ADORA1: variants seen among roughly 807,000 people sequenced by gnomAD.
ADORA1 encodes adenosine A1 receptor.
ADORA1 carries 6 observed loss-of-function variants against 19.9 expected under a neutral mutation model. That is an observed-to-expected ratio of 0.30 (90% CI 0.17 to 0.59). ADORA1 has a LOEUF of 0.59. Ranked by LOEUF, ADORA1 falls within the 20% of genes least tolerant of loss-of-function variation. The pLI, the probability that ADORA1 is intolerant of heterozygous loss-of-function variation, is 0.87. For synonymous variants in ADORA1, 194 were observed against 188.4 expected (o/e 1.03, Z -0.24); for missense variants, 302 against 439.2 (o/e 0.69, Z 2.79).
intron 3 of ADORA1, among the ~76,000 whole-genome samples, chr1:203,164,764 G>A (rs1046914937): frequency 7.2e-5 from 11 of 152,200 alleles, no homozygotes; most frequent in African/African-American, 1.9e-4. Flanking sequence ...CAGTGTAGAC[G>A]TGTTTTAGGA....
chr1:203,128,291 C>G lies in ADORA1; in HGVS notation c.-199C>G. 7.9e-7 allele frequency: 1 copy of G among 1,272,866 alleles called. No individual in the cohort carries two copies. Among genetic ancestry groups the G allele is most frequent in the Non-Finnish European group, 1.0e-6 (1 of 976,450 alleles). 78.8% of individuals were successfully genotyped at this position (1,272,866 alleles called of 1,614,324 possible). A position where few individuals can be genotyped will look rare whatever the true frequency, so the allele number is the denominator to read the frequency against. On this transcript the variant is annotated 5_prime_UTR_variant, in exon 2 of 4. Transcript: ENST00000337894. This position sits in a 1 kb window ranked among gnomAD's most constrained non-coding sequence, Gnocchi z 5.9. ...ATTGCTTGAAAGGCCGGGCTGGGAG[C>G]GCTGCGGCGGGAGCCGGAGGACTAT...
chr1:203,129,055 G>A lies in ADORA1; in HGVS notation c.214G>A (p.Gly72Arg). ...VIPLAILINI[G>R]PQTYFHTCLM... ...CCCCCTCGCCATCCTCATCAACATT[G>A]GGCCACAGACCTACTTCCACACCTG... The change falls in exon 3 of 4, where the codon GGG becomes AGG. Residue 72 changes from glycine (G) to arginine (R), a missense_variant. Coordinates refer to ENST00000337894, the MANE Select transcript of ADORA1 (RefSeq NM_000674.3). 6.2e-7 allele frequency: 1 copy of A among 1,614,088 alleles called. No homozygotes were observed. Among genetic ancestry groups the A allele is most frequent in the Non-Finnish European group, 8.5e-7 (1 of 1,180,018 alleles).
chr1:203,140,917 C>T (rs17511046), intron 3 of ADORA1, among the ~76,000 whole-genome samples: 7,135 of 152,330 alleles, frequency 0.047, 249 homozygotes, highest in Non-Finnish European at 0.072. Context: ...CCTCTGCATG[C>T]CTCCAGGGTC....
chr1:203,128,477 C>A lies in ADORA1; in HGVS notation c.-58+45C>A. 8.0e-7 allele frequency: 1 copy of A among 1,249,998 alleles called. No homozygotes were observed. The highest frequency in any genetic ancestry group is 5.3e-5 in the East Asian group (1 of 18,694). 77.4% of individuals were successfully genotyped at this position (1,249,998 alleles called of 1,614,324 possible). A position where few individuals can be genotyped will look rare whatever the true frequency, so the allele number is the denominator to read the frequency against. ...TTCTGTGCACAGGGGTGGGCAGAGCCAGTCATGGGAGACCCCTCTGTGCGT... is the reference window on the plus strand; with the variant it reads ...TTCTGTGCACAGGGGTGGGCAGAGCAAGTCATGGGAGACCCCTCTGTGCGT... On this transcript the variant is annotated intron_variant, in intron 2 of 3. Coordinates refer to ENST00000337894, the MANE Select transcript of ADORA1 (RefSeq NM_000674.3). This position sits in a 1 kb window ranked among gnomAD's most constrained non-coding sequence, Gnocchi z 5.9.
intron 3 of ADORA1, among the ~76,000 whole-genome samples, chr1:203,164,866 T>G (rs866701588): frequency 2.6e-5 from 4 of 152,260 alleles, no homozygotes; most frequent in Middle Eastern, 3.4e-3. Flanking sequence ...AATTGGGCAG[T>G]CCTCATTCTG....
Position 203,162,268 on chromosome 1 carries a change from A to C in ADORA1, c.342-2993A>C, listed in dbSNP as rs188655351. ...CACCAGGGAGAAAATAGCAAGAAAAACAGATGAGAGCTGATACCCTAAGCT... is the reference window on the plus strand; with the variant it reads ...CACCAGGGAGAAAATAGCAAGAAAACCAGATGAGAGCTGATACCCTAAGCT... On this transcript the variant is annotated intron_variant, in intron 3 of 3. Transcript: ENST00000337894. Among the ~76,000 whole-genome samples, 6 of 152,182 alleles carry C rather than the reference A, an allele frequency of 3.9e-5. No homozygotes were observed. The East Asian group carries it at 1.2e-3, about 29-fold the overall frequency.
Position 203,128,539 on chromosome 1 carries a change from C to T in ADORA1, c.-58+107C>T. On this transcript the variant is annotated intron_variant, in intron 2 of 3. Transcript: ENST00000337894. This position sits in a 1 kb window ranked among gnomAD's most constrained non-coding sequence, Gnocchi z 5.9. Reference sequence around the variant, plus strand: ...TGCGCGCGCGCTGGGAGCTGCCTCACACCTGATAAAAAAGCCAGTGGAGGA... The same window carrying T: ...TGCGCGCGCGCTGGGAGCTGCCTCATACCTGATAAAAAAGCCAGTGGAGGA... The T allele has an allele frequency of 1.0e-6, 1 of 964,366 alleles. No homozygotes were observed. The highest frequency in any genetic ancestry group is 1.4e-6 in the Non-Finnish European group (1 of 700,070). 59.7% of individuals were successfully genotyped at this position (964,366 alleles called of 1,614,324 possible).
Position 203,166,092 on chromosome 1 carries a change from C to T in ADORA1, c.*192C>T. ...AGTTAACTACCCTACACCTCTGGGC[C>T]CTGCAGGAGGCCTGGGAGGGCAAGG... On this transcript the variant is annotated 3_prime_UTR_variant, in exon 4 of 4. Transcript: ENST00000337894. 1 of 691,542 alleles carries T rather than the reference C, an allele frequency of 1.4e-6. No homozygotes were observed. Among genetic ancestry groups the T allele is most frequent in the Non-Finnish European group, 2.1e-6 (1 of 470,918 alleles). 42.8% of individuals were successfully genotyped at this position (691,542 alleles called of 1,614,324 possible).
At chr1:203,158,924 C>A (rs937487717) in intron 3 of ADORA1, among the ~76,000 whole-genome samples, 1 of 152,220 alleles carries the variant, frequency 6.6e-6, no homozygotes, top group African/African-American at 2.4e-5. Context: ...AATGAAGCCA[C>A]TTCTGCAATT....
Position 203,129,476 on chromosome 1 carries a change from G to A in ADORA1, c.341+294G>A, listed in dbSNP as rs548715574. ...TGCCTGTCAGGCCTGGGGTGGAGGT[G>A]GGAGATTTGGAAGAGCCACTAAGAT... On this transcript the variant is annotated intron_variant, in intron 3 of 3. Transcript: ENST00000337894. Among the ~76,000 whole-genome samples the A allele has an allele frequency of 2.2e-4, 33 of 152,316 alleles. No individual in the cohort carries two copies. In the South Asian group the frequency reaches 5.0e-3, roughly 23 times the overall value.
rs1655563876 is a variant in ADORA1, at chr1:203,166,607, C to G, written c.*707C>G. The G allele has an allele frequency of 6.6e-6, 1 of 152,574 alleles. No homozygotes were observed. Among genetic ancestry groups the G allele is most frequent in the Non-Finnish European group, 1.5e-5 (1 of 68,332 alleles). 9.5% of individuals were successfully genotyped at this position (152,574 alleles called of 1,614,324 possible). ...TCTGATATTTGCTGGAGTGCTGGCTCCACGCCCTGGGGAGTGAGCTTGGTG... is the reference window on the plus strand; with the variant it reads ...TCTGATATTTGCTGGAGTGCTGGCTGCACGCCCTGGGGAGTGAGCTTGGTG... On this transcript the variant is annotated 3_prime_UTR_variant, in exon 4 of 4. Coordinates refer to ENST00000337894, the MANE Select transcript of ADORA1 (RefSeq NM_000674.3).
rs139113442 is a variant in ADORA1, at chr1:203,153,762, T to A, written c.342-11499T>A. 2.9e-4 allele frequency among the ~76,000 whole-genome samples: 44 copies of A among 152,242 alleles called. No homozygotes were observed. In the East Asian group the frequency reaches 8.5e-3, roughly 29 times the overall value. On this transcript the variant is annotated intron_variant, in intron 3 of 3. Coordinates refer to ENST00000337894, the MANE Select transcript of ADORA1 (RefSeq NM_000674.3). ...ACTGTTAAATATTTGGCCCCTGGAG[T>A]GTGCCCAGCACCTTTGATTATATCT...
At chr1:203,151,867 C>T (rs1655048994) in intron 3 of ADORA1, among the ~76,000 whole-genome samples, 1 of 152,118 alleles carries the variant, frequency 6.6e-6, no homozygotes, top group Non-Finnish European at 1.5e-5. Context: ...CATCTTGCCC[C>T]CCATCTTCCT....
chr1:203,165,906 G>T lies in ADORA1; in HGVS notation c.*6G>T. The T allele has an allele frequency of 6.5e-7, 1 of 1,543,230 alleles. No individual in the cohort carries two copies. On this transcript the variant is annotated 3_prime_UTR_variant, in exon 4 of 4. Coordinates refer to ENST00000337894, the MANE Select transcript of ADORA1 (RefSeq NM_000674.3). The surrounding 1 kb of genome is among the most constrained non-coding windows in gnomAD (Gnocchi z 5.9). ...AAGAGAGGCCTGATGACTAGACCCC[G>T]CCTTCCGCTCCCACCAGCCCACATC...
At chr1:203,150,814 T>C (rs1347780633) in intron 3 of ADORA1, 2 of 1,158,242 alleles carry the variant, frequency 1.7e-6, no homozygotes, top group East Asian at 1.2e-4. Context: ...GTCCTCCCCC[T>C]ATCTGCTGTC....
intron 3 of ADORA1, among the ~76,000 whole-genome samples, chr1:203,157,556 C>T (rs1169446201): frequency 2.0e-5 from 3 of 152,190 alleles, no homozygotes; most frequent in African/African-American, 4.8e-5. Context: ...GGCCTCACTC[C>T]CATGGCTCCA....
At chr1:203,159,494 G>A (rs1330230859) in intron 3 of ADORA1, among the ~76,000 whole-genome samples, 2 of 152,092 alleles carry the variant, frequency 1.3e-5, no homozygotes, top group African/African-American at 4.8e-5. Context: ...CTGCCTAGAA[G>A]GCTCTGTCCC....
chr1:203,156,989 G>A (rs867073391), intron 3 of ADORA1, among the ~76,000 whole-genome samples: 2 of 152,400 alleles, frequency 1.3e-5, no homozygotes, highest in Middle Eastern at 3.4e-3. Flanking sequence ...AATGGGGATT[G>A]TTTCCAATAT....
intron 3 of ADORA1, 165 bp downstream of exon 3, chr1:203,129,347 G>A (rs756459158): frequency 4.5e-5 from 42 of 936,328 alleles, no homozygotes; most frequent in Non-Finnish European, 5.2e-5. Flanking sequence ...GCTCTGCAGG[G>A]CCAGAGAAAC....
Sources: gnomAD v4.1 joint callset for allele counts (sites outside exome capture counted in the v4.1 genomes callset) on GRCh38, gnomAD v4.1.1 for gene constraint, Gnocchi (gnomAD v3.1) non-coding constraint, MANE v1.5 for transcripts, NCBI Gene and HGNC (gene_info 2026-07-23, HGNC 2026-07-21) for gene names.